The following UBE2G1 variants were observed in gnomAD, a reference collection of about 807,000 sequenced individuals.
The protein encoded by UBE2G1 is ubiquitin-conjugating enzyme E2 G1.
A neutral mutation model predicts 22.7 loss-of-function variants in UBE2G1; 5 were observed. That is an observed-to-expected ratio of 0.22 (90% CI 0.12 to 0.46). The LOEUF (loss-of-function observed/expected upper bound fraction) is 0.46. Among genes scored for constraint, UBE2G1 ranks in the 20% least tolerant of loss-of-function variants. The pLI, the probability that UBE2G1 is intolerant of heterozygous loss-of-function variation, is 0.99. For synonymous variants in UBE2G1, 74 were observed against 67.5 expected (o/e 1.10, Z -0.47); for missense variants, 88 against 203.9 (o/e 0.43, Z 3.46).
chr17:4,273,636 C>T (rs1968786059), intron 5 of UBE2G1, among the ~76,000 whole-genome samples: 3 of 151,732 alleles, frequency 2.0e-5, no homozygotes, highest in Admixed American at 1.3e-4. Flanking sequence ...TGCTACTGCA[C>T]CCAGTGGTTA....
intron 4 of UBE2G1, among the ~76,000 whole-genome samples, chr17:4,287,812 C>A (rs72829372): frequency 0.017 from 2,636 of 151,958 alleles, 41 homozygotes; most frequent in Middle Eastern, 0.044. Context: ...TAGATTAAAG[C>A]CGACTAATAA....
At chr17:4,355,744 A>C (rs1362770045) in intron 1 of UBE2G1, among the ~76,000 whole-genome samples, 1 of 138,582 alleles carries the variant, frequency 7.2e-6, no homozygotes, top group Non-Finnish European at 1.5e-5. Context: ...CTTGTTCCCC[A>C]GGCTGGAGTG....
chr17:4,326,722 A>G (rs1215684047), intron 1 of UBE2G1, among the ~76,000 whole-genome samples: 1 of 152,268 alleles, frequency 6.6e-6, no homozygotes, highest in African/African-American at 2.4e-5. Context: ...CAAAATGTGC[A>G]GTATATACAT....
At chr17:4,355,398 T>C (rs1361403634) in intron 1 of UBE2G1, among the ~76,000 whole-genome samples, 1 of 147,460 alleles carries the variant, frequency 6.8e-6, no homozygotes. Context: ...CCCAGCACTT[T>C]GGGAGGCCGA....
At position 4,271,914 on chromosome 17, in the gene UBE2G1, T is replaced by C. The variant is rs1324031066; in HGVS notation, c.*640A>G. On this transcript the variant is annotated 3_prime_UTR_variant, in exon 6 of 6. Coordinates refer to ENST00000396981, the MANE Select transcript of UBE2G1 (RefSeq NM_003342.5). ...ACTCCTTCGAAGTCATCATTAAAAATCAAGTAATTGCTCATTAAGTATTTC... is the reference window on the plus strand; with the variant it reads ...ACTCCTTCGAAGTCATCATTAAAAACCAAGTAATTGCTCATTAAGTATTTC... The C allele has an allele frequency of 6.6e-6, 1 of 152,620 alleles. No homozygotes were observed. Among genetic ancestry groups the C allele is most frequent in the Non-Finnish European group, 1.5e-5 (1 of 68,032 alleles). The allele number at this position is 152,620 out of a possible 1,614,324, so 9.5% of individuals were successfully genotyped here.
intron 1 of UBE2G1, among the ~76,000 whole-genome samples, chr17:4,317,457 T>C (rs192793358): frequency 6.6e-6 from 1 of 152,126 alleles, no homozygotes; most frequent in South Asian, 2.1e-4. Context: ...AAGTAGAAAG[T>C]GCAGTGAGCC....
chr17:4,289,454 T>C (rs1289711892), intron 3 of UBE2G1, 46 bp from the exon 4 acceptor site: 2 of 1,463,100 alleles, frequency 1.4e-6, no homozygotes, highest in Middle Eastern at 1.8e-4. Context: ...ACTAATTTGG[T>C]TATACATGAA....
intron 1 of UBE2G1, chr17:4,345,552 C>T (rs547879668): frequency 4.6e-5 from 7 of 152,288 alleles, no homozygotes; most frequent in Middle Eastern, 3.4e-3. Context: ...AATAAACCTT[C>T]GGTAACACTA....
intron 5 of UBE2G1, among the ~76,000 whole-genome samples, chr17:4,275,946 G>C (rs1968816551): frequency 1.3e-5 from 2 of 152,030 alleles, no homozygotes; most frequent in Non-Finnish European, 1.5e-5. Flanking sequence ...TCCTTTCTGA[G>C]CTCTCTGTGA....
chr17:4,365,360 C>G (rs962363296), intron 1 of UBE2G1, among the ~76,000 whole-genome samples: 1 of 152,258 alleles, frequency 6.6e-6, no homozygotes, highest in Non-Finnish European at 1.5e-5. Flanking sequence ...TGCGCATGCT[C>G]CGCGCACACA....
At chr17:4,349,420 G>C (rs1969817892) in intron 1 of UBE2G1, among the ~76,000 whole-genome samples, 1 of 152,112 alleles carries the variant, frequency 6.6e-6, no homozygotes, top group Non-Finnish European at 1.5e-5. Context: ...GCTGCTGCTT[G>C]TCATTCACAC....
At chr17:4,302,343 C>A in intron 2 of UBE2G1, 1 of 486,098 alleles carries the variant, frequency 2.1e-6, no homozygotes, top group Non-Finnish European at 4.2e-6. Context: ...CCACATGATG[C>A]TGGCCTTTAT....
chr17:4,302,455 C>T (rs1045176468), intron 2 of UBE2G1: 6 of 502,510 alleles, frequency 1.2e-5, no homozygotes, highest in African/African-American at 5.8e-5. Flanking sequence ...TGAACATCAA[C>T]TGGGAACTGC....
At chr17:4,280,695 T>C (rs1281523372) in intron 5 of UBE2G1, among the ~76,000 whole-genome samples, 3 of 150,948 alleles carry the variant, frequency 2.0e-5, no homozygotes, top group Non-Finnish European at 4.4e-5. Context: ...TGGAGTGCAG[T>C]GGTGTGATCT....
At chr17:4,356,388 A>T (rs75497658) in intron 1 of UBE2G1, among the ~76,000 whole-genome samples, 7,158 of 152,180 alleles carry the variant, frequency 0.047, 604 homozygotes, top group African/African-American at 0.16. Context: ...AATAAATAAA[A>T]AACGTTGTTT....
intron 3 of UBE2G1, among the ~76,000 whole-genome samples, chr17:4,290,902 A>G (rs1280424833): frequency 6.6e-6 from 1 of 151,690 alleles, no homozygotes; most frequent in Non-Finnish European, 1.5e-5. Context: ...TGCCTACTGC[A>G]TGCCAGGCAC....
chr17:4,269,835 G>C lies in UBE2G1; in HGVS notation c.*2719C>G, dbSNP rs1968731033. On this transcript the variant is annotated 3_prime_UTR_variant, in exon 6 of 6. Coordinates refer to ENST00000396981, the MANE Select transcript of UBE2G1 (RefSeq NM_003342.5). ...GTTGTTGATGGTTGGCACAAGTTTA[G>C]GGGGAAAAATCATTTTCCTAAAGCA... The C allele has an allele frequency of 5.7e-6, 1 of 175,106 alleles. No individual in the cohort carries two copies. The highest frequency in any genetic ancestry group is 1.2e-5 in the Non-Finnish European group (1 of 82,740). 10.8% of individuals were successfully genotyped at this position (175,106 alleles called of 1,614,324 possible).
chr17:4,312,874 G>C (rs1375078383), intron 1 of UBE2G1, among the ~76,000 whole-genome samples: 13 of 152,020 alleles, frequency 8.6e-5, no homozygotes. Flanking sequence ...CTCGGCATAA[G>C]CAGTGTCAGT....
At chr17:4,278,407 T>A (rs569290439) in intron 5 of UBE2G1, among the ~76,000 whole-genome samples, 115 of 152,136 alleles carry the variant, frequency 7.6e-4, no homozygotes, top group African/African-American at 2.6e-3. Flanking sequence ...CAAAATACAC[T>A]AACACTAACC....
Sources: gnomAD v4.1 joint callset for allele counts (sites outside exome capture counted in the v4.1 genomes callset) on GRCh38, gnomAD v4.1.1 for gene constraint, MANE v1.5 for transcripts, NCBI Gene and HGNC (gene_info 2026-07-23, HGNC 2026-07-21) for gene names.